The following PTPRD variants were observed in gnomAD, a reference collection of about 807,000 sequenced individuals.
PTPRD encodes receptor-type tyrosine-protein phosphatase delta.
Under a neutral mutation model 214.5 loss-of-function variants are expected in PTPRD, and 34 were observed. The ratio of observed to expected loss-of-function variants is 0.16; its 90% CI spans 0.12 to 0.21. The LOEUF is 0.21. Ranked by LOEUF, PTPRD falls within the 10% of genes least tolerant of loss-of-function variation. The pLI, the probability that PTPRD is intolerant of heterozygous loss-of-function variation, is 1.00. For synonymous variants in PTPRD, 1,128 were observed against 845.7 expected (o/e 1.33, Z -5.79); for missense variants, 2,545 against 2,398.7 (o/e 1.06, Z -1.27).
At chr9:9,991,943 G>A (rs1026488177) in intron 4 of PTPRD, among the ~76,000 whole-genome samples, 1 of 151,568 alleles carries the variant, frequency 6.6e-6, no homozygotes, top group African/African-American at 2.4e-5. Flanking sequence ...GCAATAAAAA[G>A]GAGTGAAGTA....
chr9:9,391,281 A>G (rs2065755278), intron 9 of PTPRD, among the ~76,000 whole-genome samples: 2 of 152,172 alleles, frequency 1.3e-5, no homozygotes, highest in Non-Finnish European at 2.9e-5. Flanking sequence ...TAGAGGCTAT[A>G]AACTACTCTG....
intron 10 of PTPRD, among the ~76,000 whole-genome samples, chr9:9,164,994 G>A (rs186146714): frequency 5.3e-5 from 8 of 150,384 alleles, no homozygotes; most frequent in Admixed American, 1.3e-4. Flanking sequence ...AGAGGTTGCA[G>A]TGAGCTGAGA....
chr9:8,580,447 G>A (rs2092950361), intron 14 of PTPRD, among the ~76,000 whole-genome samples: 1 of 152,146 alleles, frequency 6.6e-6, no homozygotes, highest in Non-Finnish European at 1.5e-5. Flanking sequence ...TCTTTCTTTG[G>A]TTTTAAATAT....
At chr9:9,313,673 A>C (rs1960604066) in intron 9 of PTPRD, among the ~76,000 whole-genome samples, 1 of 152,164 alleles carries the variant, frequency 6.6e-6, no homozygotes, top group South Asian at 2.1e-4. Flanking sequence ...TTGCTGTTGG[A>C]AGGTCAGGCA....
In PTPRD at chr9:9,574,781, C is replaced by T. The variant is rs2087818760; in HGVS notation, c.-286G>A. 1 of 151,946 alleles carries T rather than the reference C, an allele frequency of 6.6e-6. No individual in the cohort carries two copies. The highest frequency in any genetic ancestry group is 1.5e-5 in the Non-Finnish European group (1 of 67,934). 9.4% of individuals were successfully genotyped at this position (151,946 alleles called of 1,614,324 possible). On this transcript the variant is annotated splice_region_variant and 5_prime_UTR_variant, in exon 8 of 46. The change creates a premature stop within an existing upstream ORF in the 5' untranslated region. Coordinates refer to ENST00000381196, the MANE Select transcript of PTPRD (RefSeq NM_002839.4). ...GAAGAAAAAGTTCACCACCCTGAGA[C>T]CTAGAAAAGTATAACACAAAACATT...
chr9:8,981,637 T>C (rs962723572), intron 11 of PTPRD, among the ~76,000 whole-genome samples: 1 of 152,074 alleles, frequency 6.6e-6, no homozygotes, highest in Non-Finnish European at 1.5e-5. Context: ...AAAAAAAATG[T>C]ATGAGCAAAA....
intron 11 of PTPRD, among the ~76,000 whole-genome samples, chr9:8,907,533 A>AATATATATAT (rs1555505761): frequency 8.5e-6 from 1 of 118,246 alleles, no homozygotes; most frequent in African/African-American, 3.3e-5. Flanking sequence ...AAAAAAAAAA[A>AATATATATAT]ATATATATAT....
intron 11 of PTPRD, among the ~76,000 whole-genome samples, chr9:8,830,197 G>A (rs1201927924): frequency 6.6e-6 from 1 of 152,114 alleles, no homozygotes; most frequent in Non-Finnish European, 1.5e-5. Flanking sequence ...CCTGCTCAAG[G>A]TCTCACAGCT....
chr9:9,412,450 G>C (rs988009651), intron 8 of PTPRD, among the ~76,000 whole-genome samples: 1 of 150,704 alleles, frequency 6.6e-6, no homozygotes, highest in Admixed American at 6.6e-5. Context: ...ACAGGTCTGG[G>C]CACAGATAGA....
At chr9:10,025,799 G>A (rs912673389) in intron 4 of PTPRD, among the ~76,000 whole-genome samples, 2 of 152,140 alleles carry the variant, frequency 1.3e-5, no homozygotes, top group African/African-American at 4.8e-5. Flanking sequence ...TTCATCCCAA[G>A]TCAAGATTGA....
intron 2 of PTPRD, among the ~76,000 whole-genome samples, chr9:10,488,106 G>A (rs567406149): frequency 5.9e-5 from 9 of 151,684 alleles, no homozygotes; most frequent in Admixed American, 1.3e-4. Flanking sequence ...GGTGGCTCGC[G>A]CCTGTAATCC....
chr9:9,977,979 G>C (rs1428677345), intron 4 of PTPRD, among the ~76,000 whole-genome samples: 2 of 151,834 alleles, frequency 1.3e-5, no homozygotes, highest in African/African-American at 4.8e-5. Flanking sequence ...ATGGAAAGTG[G>C]GAAAACCTGT....
intron 3 of PTPRD, among the ~76,000 whole-genome samples, chr9:10,295,197 C>A (rs1181367644): frequency 1.3e-5 from 2 of 152,006 alleles, no homozygotes; most frequent in Non-Finnish European, 2.9e-5. Flanking sequence ...GCTATGTGCT[C>A]CTTTTTCCTA....
At chr9:8,945,356 C>T (rs531048794) in intron 11 of PTPRD, among the ~76,000 whole-genome samples, 3 of 152,170 alleles carry the variant, frequency 2.0e-5, no homozygotes, top group East Asian at 3.9e-4. Flanking sequence ...ACTCTCACCT[C>T]CCGCCTGTAA....
intron 8 of PTPRD, among the ~76,000 whole-genome samples, chr9:9,541,997 A>C (rs1444871336): frequency 1.3e-5 from 2 of 151,762 alleles, no homozygotes; most frequent in Non-Finnish European, 2.9e-5. Flanking sequence ...TCAAGATAAG[A>C]GGAGAGGTCA....
At chr9:8,530,707 C>T (rs370980451) in intron 14 of PTPRD, among the ~76,000 whole-genome samples, 2 of 152,186 alleles carry the variant, frequency 1.3e-5, no homozygotes, top group African/African-American at 2.4e-5. Context: ...CTATGCAGAA[C>T]TTCTGGTAGA....
chr9:8,777,758 T>A (rs1259052945), intron 11 of PTPRD, among the ~76,000 whole-genome samples: 4 of 152,326 alleles, frequency 2.6e-5, no homozygotes, highest in East Asian at 1.9e-4. Flanking sequence ...ACTTCCTGAT[T>A]TATGCAGTCC....
intron 33 of PTPRD, among the ~76,000 whole-genome samples, chr9:8,460,043 C>G (rs2096347910): frequency 6.6e-6 from 1 of 152,068 alleles, no homozygotes; most frequent in Non-Finnish European, 1.5e-5. Flanking sequence ...AAAAAACACA[C>G]TGAAATCGAG....
At chr9:8,494,463 C>T (rs532959157) in intron 26 of PTPRD, among the ~76,000 whole-genome samples, 4 of 152,228 alleles carry the variant, frequency 2.6e-5, no homozygotes, top group African/African-American at 9.6e-5. Flanking sequence ...TACCCAAGAG[C>T]AGTATTTTAA....
Sources: gnomAD v4.1 joint callset for allele counts (sites outside exome capture counted in the v4.1 genomes callset) on GRCh38, gnomAD v4.1.1 for gene constraint, MANE v1.5 for transcripts, NCBI Gene and HGNC (gene_info 2026-07-23, HGNC 2026-07-21) for gene names.